TBC1D22A: variants seen among roughly 807,000 people sequenced by gnomAD.
TBC1D22A encodes the protein TBC1 domain family member 22A.
Under a neutral mutation model 60.2 loss-of-function variants are expected in TBC1D22A, and 38 were observed. The observed-to-expected ratio is 0.63, with a 90% CI of 0.49 to 0.83. The LOEUF (loss-of-function observed/expected upper bound fraction) is 0.83. TBC1D22A is among the 40% of genes least tolerant of loss of function. The pLI, the probability that TBC1D22A is intolerant of heterozygous loss-of-function variation, is 0.00. For synonymous variants in TBC1D22A, 302 were observed against 281.7 expected, an observed-to-expected ratio of 1.07 and a Z score of -0.72; for missense variants, 628 against 701.0, an observed-to-expected ratio of 0.90 and a Z score of 1.18.
At chr22:46,918,215 G>C (rs576342289) in intron 8 of TBC1D22A, among the ~76,000 whole-genome samples, 1 of 152,350 alleles carries the variant, frequency 6.6e-6, no homozygotes, top group African/African-American at 2.4e-5. Flanking sequence ...GCTTTCCTCT[G>C]CTTAAAATGG....
At chr22:46,913,057 G>A (rs2070070385) in intron 8 of TBC1D22A, among the ~76,000 whole-genome samples, 1 of 152,124 alleles carries the variant, frequency 6.6e-6, no homozygotes, top group African/African-American at 2.4e-5. Flanking sequence ...TTTAGGTTGG[G>A]CTGTGTTTTT....
chr22:47,017,287 C>T (rs138314839), intron 10 of TBC1D22A, among the ~76,000 whole-genome samples: 2 of 152,260 alleles, frequency 1.3e-5, no homozygotes, highest in East Asian at 1.9e-4. Context: ...GCTAAGGAGA[C>T]GGTCCATGCA....
chr22:47,051,082 G>A (rs914317339), intron 11 of TBC1D22A, among the ~76,000 whole-genome samples: 6 of 151,848 alleles, frequency 4.0e-5, no homozygotes, highest in African/African-American at 1.2e-4. Flanking sequence ...CTGCCCTGTG[G>A]CCTGGCAGGT....
chr22:46,969,280 C>G (rs1181137743), intron 8 of TBC1D22A, among the ~76,000 whole-genome samples: 1 of 152,202 alleles, frequency 6.6e-6, no homozygotes, highest in Non-Finnish European at 1.5e-5. Context: ...CTCTGCCCTT[C>G]TGCAGAAAAT....
chr22:47,114,914 C>G (rs924480023), intron 12 of TBC1D22A, among the ~76,000 whole-genome samples: 1 of 152,086 alleles, frequency 6.6e-6, no homozygotes, highest in Non-Finnish European at 1.5e-5. Context: ...GGTGAGGGCG[C>G]TGCCTGTGTC....
chr22:47,131,339 G>A (rs997520057), intron 12 of TBC1D22A, among the ~76,000 whole-genome samples: 1 of 152,212 alleles, frequency 6.6e-6, no homozygotes, highest in African/African-American at 2.4e-5. Context: ...GTGGAGTCCG[G>A]GTTCTTCCAG....
At chr22:46,992,421 G>C (rs1451982058) in intron 9 of TBC1D22A, among the ~76,000 whole-genome samples, 3 of 152,242 alleles carry the variant, frequency 2.0e-5, no homozygotes, top group African/African-American at 4.8e-5. Context: ...AGCCTCCCAG[G>C]AGGAGAGCAG....
At chr22:47,069,814 G>A (rs1603230322) in intron 11 of TBC1D22A, among the ~76,000 whole-genome samples, 1 of 137,478 alleles carries the variant, frequency 7.3e-6, no homozygotes, top group South Asian at 2.6e-4. Context: ...ACGGTTCCCG[G>A]CTGTTCCCTG....
intron 10 of TBC1D22A, among the ~76,000 whole-genome samples, chr22:47,025,509 T>C (rs2062223330): frequency 2.0e-5 from 3 of 152,226 alleles, no homozygotes; most frequent in African/African-American, 7.2e-5. Flanking sequence ...CCATGTATCA[T>C]AGAAGAAACA....
intron 10 of TBC1D22A, among the ~76,000 whole-genome samples, chr22:46,998,697 C>T (rs1337822285): frequency 1.3e-5 from 2 of 152,232 alleles, no homozygotes; most frequent in Non-Finnish European, 2.9e-5. Context: ...ATTACAAACT[C>T]CATTTTGTTC....
intron 7 of TBC1D22A, among the ~76,000 whole-genome samples, chr22:46,901,716 G>A (rs2069009233): frequency 1.3e-5 from 2 of 152,070 alleles, no homozygotes; most frequent in Non-Finnish European, 2.9e-5. Flanking sequence ...CATGGGGGGG[G>A]GATGTTCCTT....
chr22:46,827,298 C>T (rs1025943523), intron 4 of TBC1D22A, among the ~76,000 whole-genome samples: 2 of 152,142 alleles, frequency 1.3e-5, no homozygotes, highest in Non-Finnish European at 2.9e-5. Context: ...TCATGCAGGC[C>T]GAGTCGGCGT....
chr22:46,808,619 C>T (rs1222679542), intron 4 of TBC1D22A, among the ~76,000 whole-genome samples: 1 of 151,336 alleles, frequency 6.6e-6, no homozygotes, highest in Non-Finnish European at 1.5e-5. Context: ...TTTTGGGAGA[C>T]AGTCTTGTTC....
intron 11 of TBC1D22A, among the ~76,000 whole-genome samples, chr22:47,101,276 G>T (rs570038295): frequency 6.6e-6 from 1 of 152,256 alleles, no homozygotes; most frequent in Non-Finnish European, 1.5e-5. Context: ...TTCCTCTGCA[G>T]ACTGGCAGTG....
intron 12 of TBC1D22A, among the ~76,000 whole-genome samples, chr22:47,124,289 C>T (rs576728122): frequency 4.6e-5 from 7 of 152,224 alleles, no homozygotes; most frequent in East Asian, 1.9e-4. Flanking sequence ...GGAAGGGCGC[C>T]GTGGGAGCTG....
chr22:46,908,388 C>T (rs2069645777), intron 7 of TBC1D22A, among the ~76,000 whole-genome samples: 1 of 152,180 alleles, frequency 6.6e-6, no homozygotes, highest in Non-Finnish European at 1.5e-5. Context: ...CAGAGCCAGG[C>T]TTTGTGTGCA....
At chr22:46,915,812 G>C (rs983817909) in intron 8 of TBC1D22A, 1 of 456,648 alleles carries the variant, frequency 2.2e-6, no homozygotes, top group Admixed American at 2.3e-5. Context: ...CTGGTTTCAC[G>C]GGAGGTGGGG....
At chr22:46,788,407 C>A (rs2084259100) in intron 1 of TBC1D22A, among the ~76,000 whole-genome samples, 1 of 152,174 alleles carries the variant, frequency 6.6e-6, no homozygotes, top group South Asian at 2.1e-4. Flanking sequence ...TGCTTTATTG[C>A]TTGCAGTATT....
chr22:46,977,340 C>T (rs931799147), intron 9 of TBC1D22A, among the ~76,000 whole-genome samples: 1 of 151,882 alleles, frequency 6.6e-6, no homozygotes, highest in Non-Finnish European at 1.5e-5. Flanking sequence ...TCATTTTGGC[C>T]GAGATGTATG....
Sources: gnomAD v4.1 joint callset for allele counts (sites outside exome capture counted in the v4.1 genomes callset) on GRCh38, gnomAD v4.1.1 for gene constraint, MANE v1.5 for transcripts, NCBI Gene and HGNC (gene_info 2026-07-23, HGNC 2026-07-21) for gene names.